Variants in DNAAF4 observed in about 807,000 individuals in gnomAD.
DNAAF4 encodes the protein dynein assembly factor 4, axonemal.
A neutral mutation model predicts 51.8 loss-of-function variants in DNAAF4; 43 were observed. The ratio of observed to expected loss-of-function variants is 0.83; its 90% CI spans 0.65 to 1.07. The LOEUF is 1.07. DNAAF4 is among the 50% of genes least tolerant of loss of function. The pLI, the probability that DNAAF4 is intolerant of heterozygous loss-of-function variation, is 0.00. For missense variants in DNAAF4, 581 were observed against 493.0 expected (o/e 1.18, Z -1.69); for synonymous variants, 194 against 165.6 (o/e 1.17, Z -1.32).
chr15:55,488,836 C>T lies in DNAAF4; in HGVS notation c.405+2287G>A, dbSNP rs558827767. ...GGGTGCGGCAGCTCACACCTGTAAT[C>T]CCAGCACTTCGGGAAGCCAAGACGG... On this transcript the variant is annotated intron_variant, in intron 4 of 9. Coordinates refer to ENST00000321149, the MANE Select transcript of DNAAF4 (RefSeq NM_130810.4). Among the ~76,000 whole-genome samples the T allele has an allele frequency of 3.0e-4, 45 of 152,272 alleles. No individual in the cohort carries two copies. The South Asian group carries it at 5.4e-3, about 18-fold the overall frequency.
chr15:55,430,219 A>T, downstream of DNAAF4: 1 of 240,374 alleles, frequency 4.2e-6, no homozygotes, highest in Non-Finnish European at 6.7e-6. Context: ...GGTTCTGTGC[A>T]GTTGGAAACT....
Position 55,431,474 on chromosome 15 carries a change from C to CTT in DNAAF4, c.1154-697_1154-696dup, listed in dbSNP as rs55839604. Among the ~76,000 whole-genome samples the CTT allele has an allele frequency of 8.9e-5, 12 of 134,910 alleles. 1 individual carries two copies. The highest frequency in any genetic ancestry group is 4.2e-4 in the East Asian group (2 of 4,718). The allele number at this position is 134,910 out of a possible 152,430, so 88.5% of individuals were successfully genotyped here. A position where few individuals can be genotyped will look rare whatever the true frequency, so the allele number is the denominator to read the frequency against. Reference sequence around the variant, plus strand: ...ATCTCAAATCATTTATATATTTTATCTTTTTTTTTTTTTTTTTGGAGACAG... The same window carrying CTT: ...ATCTCAAATCATTTATATATTTTATCTTTTTTTTTTTTTTTTTTTGGAGACAG... On this transcript the variant is annotated intron_variant, in intron 9 of 9. Coordinates refer to ENST00000321149, the MANE Select transcript of DNAAF4 (RefSeq NM_130810.4).
At position 55,503,006 on chromosome 15, in the gene DNAAF4, A is replaced by G. The variant is rs561884519; in HGVS notation, c.-255-4422T>C. Among the ~76,000 whole-genome samples, 22 of 152,340 alleles carry G rather than the reference A, an allele frequency of 1.4e-4. No individual in the cohort carries two copies. In the East Asian group the frequency reaches 3.7e-3, roughly 25 times the overall value. On this transcript the variant is annotated intron_variant, in intron 1 of 9. Transcript: ENST00000321149. The stretch of plus-strand genomic sequence containing the variant: ...CAGCAGCTGGTTTTTTGAAAAGATC[A>G]ACAAAATTGATAGACCTGTAGCAAG...
At chr15:55,482,611 A>C (rs141362206) in intron 4 of DNAAF4, among the ~76,000 whole-genome samples, 6,943 of 152,222 alleles carry the variant, frequency 0.046, 232 homozygotes, top group Non-Finnish European at 0.068. Context: ...CCCAGGAAGG[A>C]GAGGTTGCAG....
At chr15:55,441,835 G>A (rs1226611634) in intron 6 of DNAAF4, among the ~76,000 whole-genome samples, 1 of 151,974 alleles carries the variant, frequency 6.6e-6, no homozygotes, top group Non-Finnish European at 1.5e-5. Flanking sequence ...TTAATCTCTA[G>A]AATCCCAGAC....
intron 4 of DNAAF4, among the ~76,000 whole-genome samples, chr15:55,469,640 A>G (rs916770572): frequency 6.6e-6 from 1 of 150,396 alleles, no homozygotes; most frequent in Non-Finnish European, 1.5e-5. Flanking sequence ...CTGCCACCAC[A>G]CCTGGCTAAT....
chr15:55,474,437 G>T (rs1231512349), intron 4 of DNAAF4, among the ~76,000 whole-genome samples: 1 of 152,076 alleles, frequency 6.6e-6, no homozygotes, highest in Non-Finnish European at 1.5e-5. Context: ...AGGAGGCTGA[G>T]GCAGAAGAAT....
intron 4 of DNAAF4, among the ~76,000 whole-genome samples, chr15:55,484,276 G>A (rs956994854): frequency 1.3e-5 from 2 of 152,016 alleles, no homozygotes; most frequent in East Asian, 3.9e-4. Context: ...GAGGTCAGGA[G>A]ATCGAGATCA....
chr15:55,427,606 G>A (rs1369357455), downstream of DNAAF4, among the ~76,000 whole-genome samples: 1 of 152,012 alleles, frequency 6.6e-6, no homozygotes, highest in African/African-American at 2.4e-5. Flanking sequence ...AGTTTAGGGA[G>A]GGTCAGAATT....
At chr15:55,440,518 A>G (rs2057692898) in intron 6 of DNAAF4, among the ~76,000 whole-genome samples, 2 of 151,838 alleles carry the variant, frequency 1.3e-5, no homozygotes, top group Non-Finnish European at 2.9e-5. Context: ...AGCTGGGACT[A>G]CAGGCACCCA....
rs577320125 is a variant in DNAAF4 at position 55,419,400 on chromosome 15, G to T, written c.1048-1267C>A. ...AACCATGCCCCTAGCTAATTTGTGGGGTGTGTGTGTGTGTGTGTGTGTAGA... is the reference window on the plus strand; with the variant it reads ...AACCATGCCCCTAGCTAATTTGTGGTGTGTGTGTGTGTGTGTGTGTGTAGA... On this transcript the variant is annotated intron_variant, in intron 7 of 7. Transcript: ENST00000448430. Among the ~76,000 whole-genome samples the T allele has an allele frequency of 3.0e-4, 44 of 148,156 alleles. 1 individual carries two copies. The South Asian group carries it at 7.7e-3, about 26-fold the overall frequency.
rs542339665 is a variant in DNAAF4 at position 55,469,329 on chromosome 15, C to CA, written c.406-2169dup. Among the ~76,000 whole-genome samples, 1,067 of 133,610 alleles carry CA rather than the reference C, an allele frequency of 8.0e-3. 12 individuals carry two copies. The highest frequency in any genetic ancestry group is 0.013 in the Non-Finnish European group (802 of 62,214). The allele number at this position is 133,610 out of a possible 152,430, so 87.7% of individuals were successfully genotyped here. On this transcript the variant is annotated intron_variant, in intron 4 of 9. Coordinates refer to ENST00000321149, the MANE Select transcript of DNAAF4 (RefSeq NM_130810.4). ...TGGGGGACAAGAGCGAGGCTCCTCTCAAAAAAAAAAGAAAGAAAGAAAGAA... is the reference window on the plus strand; with the variant it reads ...TGGGGGACAAGAGCGAGGCTCCTCTCAAAAAAAAAAAGAAAGAAAGAAAGAA...
chr15:55,473,655 A>G (rs1386022667), intron 4 of DNAAF4, among the ~76,000 whole-genome samples: 1 of 152,058 alleles, frequency 6.6e-6, no homozygotes, highest in Non-Finnish European at 1.5e-5. Context: ...AAAATTTATA[A>G]GCTGGATAGA....
chr15:55,451,763 C>G (rs72744187), intron 5 of DNAAF4, among the ~76,000 whole-genome samples: 1 of 151,770 alleles, frequency 6.6e-6, no homozygotes, highest in African/African-American at 2.4e-5. Flanking sequence ...CAGGTGCCCA[C>G]CACCATACAT....
At chr15:55,488,519 T>C (rs2058524331) in intron 4 of DNAAF4, among the ~76,000 whole-genome samples, 1 of 152,232 alleles carries the variant, frequency 6.6e-6, no homozygotes, top group Admixed American at 6.5e-5. Flanking sequence ...AGACGTTTGC[T>C]ACGGGTACAT....
chr15:55,425,692 T>A (rs2057425036), downstream of DNAAF4, among the ~76,000 whole-genome samples: 2 of 152,214 alleles, frequency 1.3e-5, no homozygotes, highest in South Asian at 2.1e-4. Flanking sequence ...GTATTAGGAC[T>A]AATATTTTGA....
intron 4 of DNAAF4, among the ~76,000 whole-genome samples, chr15:55,489,727 C>CT (rs1212407715): frequency 6.7e-6 from 1 of 149,074 alleles, no homozygotes; most frequent in East Asian, 2.0e-4. Context: ...GTGGACAAAT[C>CT]TTTGGAATCA....
chr15:55,494,140 C>T (rs2058609629), intron 3 of DNAAF4, among the ~76,000 whole-genome samples: 1 of 151,644 alleles, frequency 6.6e-6, no homozygotes, highest in East Asian at 2.0e-4. Context: ...AGTGATTCTC[C>T]TGCCTCAGCC....
rs533679402 is a variant in DNAAF4, at chr15:55,445,350, G to C, written c.783+4872C>G. ...ACAGCACATGTTTCAGAGTGCACGG[G>C]GTTGGGGGTAAGGTTATAGATTAAC... On this transcript the variant is annotated intron_variant, in intron 6 of 9. Coordinates refer to ENST00000321149, the MANE Select transcript of DNAAF4 (RefSeq NM_130810.4). Among the ~76,000 whole-genome samples the C allele has an allele frequency of 6.7e-4, 102 of 152,174 alleles. 2 individuals are homozygous for C. In the South Asian group the frequency reaches 9.5e-3, roughly 14 times the overall value.
Sources: allele counts gnomAD v4.1 joint callset (sites outside exome capture counted in the v4.1 genomes callset), GRCh38; gene constraint gnomAD v4.1.1; transcripts MANE v1.5; gene names NCBI Gene and HGNC (gene_info 2026-07-23, HGNC 2026-07-21).